Variants in KAZN observed in about 807,000 individuals in gnomAD.
KAZN encodes the protein kazrin, periplakin interacting protein, also known as kazrin.
KAZN carries 40 observed loss-of-function variants against 87.4 expected under a neutral mutation model. That is an observed-to-expected ratio of 0.46 (90% CI 0.36 to 0.60). The LOEUF (loss-of-function observed/expected upper bound fraction) is 0.60, where lower values mean the gene tolerates loss of function less well. Among genes scored for constraint, KAZN ranks in the 20% least tolerant of loss-of-function variants. KAZN has a pLI of 0.00. For synonymous variants in KAZN, 466 were observed against 458.3 expected, an observed-to-expected ratio of 1.02 and a Z score of -0.22; for missense variants, 898 against 1,073.9, an observed-to-expected ratio of 0.84 and a Z score of 2.29.
At chr1:14,754,650 A>G (rs963024335) in intron 1 of KAZN, among the ~76,000 whole-genome samples, 1 of 152,064 alleles carries the variant, frequency 6.6e-6, no homozygotes, top group Admixed American at 6.5e-5. Context: ...AAAAAATTCA[A>G]ATTCATTAAT....
At chr1:14,740,904 G>A (rs1285620508) in intron 1 of KAZN, among the ~76,000 whole-genome samples, 1 of 152,188 alleles carries the variant, frequency 6.6e-6, no homozygotes, top group Non-Finnish European at 1.5e-5. Flanking sequence ...CGTTTCCTGG[G>A]GAATGACAGA....
chr1:14,467,979 T>C (rs1571722900), intron 2 of KAZN, among the ~76,000 whole-genome samples: 4 of 152,284 alleles, frequency 2.6e-5, no homozygotes, highest in Admixed American at 2.6e-4. Flanking sequence ...CGTGCTCTTC[T>C]CTGGAGAGCA....
chr1:14,533,666 C>G (rs1221609827), intron 2 of KAZN, among the ~76,000 whole-genome samples: 1 of 152,098 alleles, frequency 6.6e-6, no homozygotes, highest in Non-Finnish European at 1.5e-5. Context: ...CTTGCTTGCC[C>G]CCCACCCACC....
intron 2 of KAZN, among the ~76,000 whole-genome samples, chr1:14,308,440 T>A (rs1655074174): frequency 1.3e-5 from 2 of 152,200 alleles, no homozygotes; most frequent in African/African-American, 2.4e-5. Flanking sequence ...ATGCAAAGAA[T>A]AATACAGCAA....
At chr1:14,526,462 T>A (rs376963089) in intron 2 of KAZN, among the ~76,000 whole-genome samples, 2 of 152,156 alleles carry the variant, frequency 1.3e-5, no homozygotes, top group East Asian at 3.9e-4. Context: ...AAATAAAACA[T>A]TTCCCCATCC....
chr1:14,418,443 G>A (rs1303903885), intron 2 of KAZN, among the ~76,000 whole-genome samples: 1 of 152,198 alleles, frequency 6.6e-6, no homozygotes. Context: ...TATTATTACT[G>A]TCAGCATGTA....
intron 2 of KAZN, among the ~76,000 whole-genome samples, chr1:14,220,074 C>T (rs1647059673): frequency 6.6e-6 from 1 of 152,218 alleles, no homozygotes; most frequent in South Asian, 2.1e-4. Flanking sequence ...TGCCTTCCAA[C>T]TGTCCCTTTG....
chr1:15,088,538 C>T (rs1358842962), intron 8 of KAZN, among the ~76,000 whole-genome samples: 2 of 152,210 alleles, frequency 1.3e-5, no homozygotes, highest in South Asian at 2.1e-4. Flanking sequence ...GCACCCGCGA[C>T]TCGGCAGCCC....
intron 2 of KAZN, among the ~76,000 whole-genome samples, chr1:14,344,465 T>C (rs552508299): frequency 2.6e-5 from 4 of 152,208 alleles, no homozygotes; most frequent in Non-Finnish European, 5.9e-5. Flanking sequence ...AATTTTTAAA[T>C]GATAGATTTG....
intron 1 of KAZN, among the ~76,000 whole-genome samples, chr1:14,096,465 C>T (rs1440101716): frequency 6.6e-6 from 1 of 152,192 alleles, no homozygotes; most frequent in Non-Finnish European, 1.5e-5. Flanking sequence ...CCATGGCTCA[C>T]CACCTGCTGA....
intron 2 of KAZN, among the ~76,000 whole-genome samples, chr1:14,350,186 C>T (rs1476991881): frequency 1.3e-5 from 2 of 151,376 alleles, no homozygotes; most frequent in East Asian, 3.9e-4. Context: ...AACCCCCAGT[C>T]TCCAGGATGA....
chr1:14,120,795 T>C (rs968049112), intron 1 of KAZN, among the ~76,000 whole-genome samples: 1 of 152,202 alleles, frequency 6.6e-6, no homozygotes, highest in Admixed American at 6.5e-5. Context: ...CAACCCCCTG[T>C]CTGTGTGTCC....
chr1:14,403,586 A>G (rs148905667), intron 2 of KAZN, among the ~76,000 whole-genome samples: 2 of 152,326 alleles, frequency 1.3e-5, no homozygotes, highest in East Asian at 3.9e-4. Context: ...AGAACCAACA[A>G]CAAAAGAACC....
At chr1:14,432,303 AT>A (rs1048362897) in intron 2 of KAZN, among the ~76,000 whole-genome samples, 1 of 152,130 alleles carries the variant, frequency 6.6e-6, no homozygotes, top group Non-Finnish European at 1.5e-5. Flanking sequence ...AAAAATTGTA[AT>A]TTTTTTCACC....
intron 1 of KAZN, among the ~76,000 whole-genome samples, chr1:14,668,548 A>G (rs1639720968): frequency 6.6e-6 from 1 of 152,130 alleles, no homozygotes; most frequent in African/African-American, 2.4e-5. Context: ...ACCTGGGGAA[A>G]GGGCCGAATC....
intron 2 of KAZN, among the ~76,000 whole-genome samples, chr1:15,007,828 T>C (rs1223077364): frequency 6.6e-6 from 1 of 152,230 alleles, no homozygotes; most frequent in Non-Finnish European, 1.5e-5. Flanking sequence ...ACTTCTCGGC[T>C]TTGATTTGCA....
At chr1:14,419,431 T>A (rs1361235423) in intron 2 of KAZN, among the ~76,000 whole-genome samples, 1 of 152,070 alleles carries the variant, frequency 6.6e-6, no homozygotes, top group African/African-American at 2.4e-5. Context: ...AGAACATGAG[T>A]GCCCAAAGCC....
chr1:14,385,421 ATC>A (rs1661787520), intron 2 of KAZN, among the ~76,000 whole-genome samples: 6 of 151,744 alleles, frequency 4.0e-5, no homozygotes, highest in African/African-American at 1.5e-4. Context: ...TCAATTTTGG[ATC>A]TTTCCTGCTT....
chr1:15,046,750 G>A (rs573771436), intron 4 of KAZN, among the ~76,000 whole-genome samples: 16 of 152,312 alleles, frequency 1.1e-4, no homozygotes, highest in South Asian at 1.0e-3. Flanking sequence ...AAAAAGCTGC[G>A]GCTGCAGGGA....
Sources: gnomAD v4.1 joint callset for allele counts (sites outside exome capture counted in the v4.1 genomes callset) on GRCh38, gnomAD v4.1.1 for gene constraint, MANE v1.5 for transcripts, NCBI Gene and HGNC (gene_info 2026-07-23, HGNC 2026-07-21) for gene names.